MYO5A: variants seen among roughly 807,000 people sequenced by gnomAD.
MYO5A encodes myosin VA.
A neutral mutation model predicts 249.7 loss-of-function variants in MYO5A; 98 were observed. The ratio of observed to expected loss-of-function variants is 0.39; its 90% CI spans 0.33 to 0.46. The LOEUF is 0.46. Ranked by LOEUF, MYO5A falls within the 20% of genes least tolerant of loss-of-function variation. MYO5A has a pLI of 0.98. For synonymous variants in MYO5A, 778 were observed against 810.6 expected (o/e 0.96, Z 0.68); for missense variants, 1,696 against 2,308.8 (o/e 0.73, Z 5.44).
At chr15:52,512,865 C>T (rs1321579192) in intron 1 of MYO5A, among the ~76,000 whole-genome samples, 3 of 152,076 alleles carry the variant, frequency 2.0e-5, no homozygotes, top group Admixed American at 6.6e-5. Context: ...CAGTGGCTCA[C>T]ACCTGTAATC....
chr15:52,350,461 C>T (rs993033605), intron 28 of MYO5A, among the ~76,000 whole-genome samples: 82 of 152,150 alleles, frequency 5.4e-4, no homozygotes, highest in African/African-American at 1.9e-3. Context: ...CTCAGATTTT[C>T]AGGCATCCAG....
At chr15:52,426,435 T>C (rs139431067) in intron 3 of MYO5A, among the ~76,000 whole-genome samples, 1 of 152,028 alleles carries the variant, frequency 6.6e-6, no homozygotes, top group African/African-American at 2.4e-5. Context: ...ATCCATATGA[T>C]AGACTACTAA....
chr15:52,400,297 C>T (rs2042692365), intron 9 of MYO5A, among the ~76,000 whole-genome samples: 1 of 152,116 alleles, frequency 6.6e-6, no homozygotes, highest in Admixed American at 6.5e-5. Flanking sequence ...CCTCTGTTAT[C>T]CAATACTTTA....
At chr15:52,339,674 C>A (rs2242056) in intron 32 of MYO5A, among the ~76,000 whole-genome samples, 2 of 152,026 alleles carry the variant, frequency 1.3e-5, no homozygotes, top group Non-Finnish European at 2.9e-5. Context: ...TGAATCCTAA[C>A]ACACACCTCC....
At chr15:52,418,068 C>T (rs2950055) in intron 4 of MYO5A, among the ~76,000 whole-genome samples, 148,956 of 152,302 alleles carry the variant, frequency 0.98, 72,934 homozygotes, top group East Asian at 1. Context: ...GCAAGGACTA[C>T]AGAAGTCAGG....
intron 1 of MYO5A, among the ~76,000 whole-genome samples, chr15:52,508,893 G>A (rs140161074): frequency 8.3e-4 from 126 of 151,942 alleles, no homozygotes; most frequent in African/African-American, 2.9e-3. Context: ...CAAAAAAAAC[G>A]TAAGCCGTAT....
chr15:52,379,042 G>A (rs957225272), intron 18 of MYO5A, among the ~76,000 whole-genome samples: 1 of 152,116 alleles, frequency 6.6e-6, no homozygotes, highest in African/African-American at 2.4e-5. Context: ...ACTGTTTTCT[G>A]AGCAAACCCT....
intron 2 of MYO5A, among the ~76,000 whole-genome samples, chr15:52,429,942 C>T (rs1406506640): frequency 6.6e-6 from 1 of 152,026 alleles, no homozygotes; most frequent in Admixed American, 6.6e-5. Context: ...GGCTTCATGG[C>T]ACAGCCAACC....
intron 1 of MYO5A, among the ~76,000 whole-genome samples, chr15:52,458,698 C>T (rs1003328001): frequency 2.0e-5 from 3 of 151,762 alleles, no homozygotes; most frequent in Non-Finnish European, 4.4e-5. Flanking sequence ...TTGATCATTA[C>T]ACATTCTATG....
chr15:52,376,551 T>C lies in MYO5A; in HGVS notation c.2216A>G (p.Asp739Gly), dbSNP rs1275869574. The C allele has an allele frequency of 3.7e-6, 6 of 1,613,858 alleles. No homozygotes were observed. Among genetic ancestry groups the C allele is most frequent in the Non-Finnish European group, 5.1e-6 (6 of 1,179,860 alleles). Residue 739 changes from aspartate (D) to glycine (G), a missense_variant, in exon 19 of 42, where the codon GAC becomes GGC. By Grantham distance (94) the Asp-to-Gly change is moderately conservative (BLOSUM62 -1). Transcript: ENST00000399233. Reference sequence around the variant, plus strand: ...CTTTGTCTTACCAAACTGGTATTTGTCCTTGTCCTATTTTTGGAAGAAATT... The same window carrying C: ...CTTTGTCTTACCAAACTGGTATTTGCCCTTGTCCTATTTTTGGAAGAAATT... Reference protein sequence around the residue: ...NVLEKLILDKDKYQFGKTKIF... With the variant: ...NVLEKLILDKGKYQFGKTKIF...
chr15:52,502,259 T>C (rs1418382637), intron 1 of MYO5A, among the ~76,000 whole-genome samples: 1 of 151,996 alleles, frequency 6.6e-6, no homozygotes. Flanking sequence ...CTCCAGCCTA[T>C]GCAACAGAGT....
rs895566984 is a variant in MYO5A at position 52,307,446 on chromosome 15, G to C, written c.*6250C>G. 2 of 152,114 alleles carry C rather than the reference G, an allele frequency of 1.3e-5. No homozygotes were observed. The highest frequency in any genetic ancestry group is 2.4e-5 in the African/African-American group (1 of 41,434). 9.4% of individuals were successfully genotyped at this position (152,114 alleles called of 1,614,324 possible). On this transcript the variant is annotated 3_prime_UTR_variant, in exon 42 of 42. Transcript: ENST00000399233. ...TTATCTTAGCACTAGGTGATATCTA[G>C]TGAAAACCCATGTTTCAAAGGCTTT...
At chr15:52,493,053 TG>T (rs59384409) in intron 1 of MYO5A, among the ~76,000 whole-genome samples, 22,787 of 152,070 alleles carry the variant, frequency 0.15, 1,795 homozygotes, top group Middle Eastern at 0.22. Flanking sequence ...AAGAAAGGCC[TG>T]AGGTGCAGGC....
chr15:52,496,753 G>C (rs17651611), intron 1 of MYO5A, among the ~76,000 whole-genome samples: 22,859 of 152,180 alleles, frequency 0.15, 1,826 homozygotes, highest in Middle Eastern at 0.22. Flanking sequence ...ACTCAACACT[G>C]AGAAAAGTTT....
intron 16 of MYO5A, among the ~76,000 whole-genome samples, chr15:52,380,460 T>C (rs1174055356): frequency 6.6e-6 from 1 of 151,308 alleles, no homozygotes; most frequent in East Asian, 2.0e-4. Context: ...GAAAGTCCAC[T>C]GAGCACATTT....
intron 4 of MYO5A, among the ~76,000 whole-genome samples, chr15:52,422,523 T>A (rs917216346): frequency 3.3e-5 from 5 of 152,092 alleles, no homozygotes; most frequent in African/African-American, 1.2e-4. Context: ...CTCCTCTTTT[T>A]CTCAAATACC....
rs549920128 is a variant in MYO5A, at chr15:52,382,983, A to G, written c.2012+108T>C. The G allele has an allele frequency of 1.6e-5, 15 of 966,166 alleles. 1 individual carries two copies. In the Middle Eastern group the frequency reaches 6.1e-4, roughly 40 times the overall value. The allele number at this position is 966,166 out of a possible 1,614,324, so 59.8% of individuals were successfully genotyped here. A position where few individuals can be genotyped will look rare whatever the true frequency, so the allele number is the denominator to read the frequency against. On this transcript the variant is annotated intron_variant, in intron 16 of 41. Transcript: ENST00000399233. ...TCTACAAGGCATGAAGACTTACCCA[A>G]ATATTTTTTTCCTTATAAAAATGTA...
intron 1 of MYO5A, among the ~76,000 whole-genome samples, chr15:52,485,259 T>TAAAAAAAAAAAAAAAAAAAAAAAAA (rs72085613): frequency 2.9e-5 from 3 of 102,762 alleles, no homozygotes; most frequent in Non-Finnish European, 4.1e-5. Flanking sequence ...ATTCACTATG[T>TAAAAAAAAAAAAAAAAAAAAAAAAA]AAAAAAAAAA....
intron 24 of MYO5A, among the ~76,000 whole-genome samples, chr15:52,364,214 G>T (rs2040691522): frequency 6.6e-6 from 1 of 151,602 alleles, no homozygotes; most frequent in Admixed American, 6.6e-5. Flanking sequence ...CTCCAGCCTG[G>T]TGACACAGGG....
Sources: allele counts gnomAD v4.1 joint callset (sites outside exome capture counted in the v4.1 genomes callset), GRCh38; gene constraint gnomAD v4.1.1; transcripts MANE v1.5; gene names NCBI Gene and HGNC (gene_info 2026-07-23, HGNC 2026-07-21).